Variants in FKRP observed in about 807,000 individuals in gnomAD.
FKRP encodes the protein ribitol 5-phosphate transferase FKRP.
Under a neutral mutation model 30.6 loss-of-function variants are expected in FKRP, and 25 were observed. That is an observed-to-expected ratio of 0.82 (90% CI 0.60 to 1.14). The LOEUF (loss-of-function observed/expected upper bound fraction) is 1.14, where lower values mean the gene tolerates loss of function less well. Among genes scored for constraint, FKRP ranks in the 50% most tolerant of loss-of-function variants. FKRP has a pLI of 0.00. For missense variants in FKRP, 771 were observed against 727.8 expected, an observed-to-expected ratio of 1.06 and a Z score of -0.68; for synonymous variants, 358 against 342.5, an observed-to-expected ratio of 1.05 and a Z score of -0.50.
In FKRP at chr19:46,757,116, G is replaced by A. The variant is rs1270611351; in HGVS notation, c.*178G>A. The A allele has an allele frequency of 7.1e-6, 6 of 847,198 alleles. No individual in the cohort carries two copies. The East Asian group carries it at 1.1e-4, about 15-fold the overall frequency. 52.5% of individuals were successfully genotyped at this position (847,198 alleles called of 1,614,324 possible). A position where few individuals can be genotyped will look rare whatever the true frequency, so the allele number is the denominator to read the frequency against. On this transcript the variant is annotated 3_prime_UTR_variant, in exon 4 of 4. Transcript: ENST00000318584. ...ATTGGCAGGAGGAGAGCACCAGGAC[G>A]AGGATGGGAAGCGACCTCCAGATTT...
chr19:46,756,383 G>C lies in FKRP; in HGVS notation c.933G>C (p.Glu311Asp), dbSNP rs911700598. The C allele has an allele frequency of 1.9e-6, 3 of 1,564,734 alleles. No individual in the cohort carries two copies. The African/African-American group carries it at 4.1e-5, about 21-fold the overall frequency. ...ACACGCCCGCCTACCTCTACGAGGA[G>C]CGCTGGACGCCCCCCTGCTGCCTGC... ...VGDTPAYLYE[E>D]RWTPPCCLRA... The change falls in exon 4 of 4, where the codon GAG (glutamate) becomes GAC (aspartate). Residue 311 changes from glutamate (E) to aspartate (D), a missense_variant. By Grantham distance (45) the Glu-to-Asp change is conservative. Transcript: ENST00000318584. This position sits in a 1 kb window ranked among gnomAD's most constrained non-coding sequence, Gnocchi z 6.6.
At chr19:46,755,338 G>C (rs1357875683) in intron 3 of FKRP, 74 bp from the exon 4 acceptor site, 17 of 964,824 alleles carry the variant, frequency 1.8e-5, no homozygotes, top group South Asian at 8.5e-5. Context: ...GTAGAAAGGG[G>C]CAAGGCTGAG....
At chr19:46,745,328 C>T (rs62134793), upstream of FKRP, among the ~76,000 whole-genome samples, 25,865 of 152,082 alleles carry the variant, frequency 0.17, 2,729 homozygotes, top group Non-Finnish European at 0.24. Flanking sequence ...GGGTACATTC[C>T]CTGCTCTGTC....
chr19:46,756,381 G>C lies in FKRP; in HGVS notation c.931G>C (p.Glu311Gln). ...CGACACGCCCGCCTACCTCTACGAGGAGCGCTGGACGCCCCCCTGCTGCCT... is the reference window on the plus strand; with the variant it reads ...CGACACGCCCGCCTACCTCTACGAGCAGCGCTGGACGCCCCCCTGCTGCCT... ...VGDTPAYLYE[E>Q]RWTPPCCLRA... The change falls in exon 4 of 4, where the codon GAG (glutamate) becomes CAG (glutamine). Residue 311 changes from glutamate (E) to glutamine (Q), a missense_variant. Coordinates refer to ENST00000318584, the MANE Select transcript of FKRP (RefSeq NM_024301.5). The surrounding 1 kb of genome is among the most constrained non-coding windows in gnomAD (Gnocchi z 6.6). The C allele has an allele frequency of 1.3e-6, 2 of 1,564,664 alleles. No homozygotes were observed. Among genetic ancestry groups the C allele is most frequent in the Non-Finnish European group, 1.7e-6 (2 of 1,156,308 alleles).
Position 46,756,100 on chromosome 19 carries a change from C to T in FKRP, c.650C>T (p.Pro217Leu). Residue 217 changes from proline (P) to leucine (L), a missense_variant, in exon 4 of 4, where the codon CCG (proline) becomes CTG (leucine). Transcript: ENST00000318584. This position sits in a 1 kb window ranked among gnomAD's most constrained non-coding sequence, Gnocchi z 6.6. ...AACCTCTCGGCGCCCCTGGCCCGGC[C>T]GGTGGGCACCAGCCTCTTTCTGCAG... ...LFNLSAPLAR[P>L]VGTSLFLQTA... 5 of 1,533,280 alleles carry T rather than the reference C, an allele frequency of 3.3e-6. No individual in the cohort carries two copies. Among genetic ancestry groups the T allele is most frequent in the Non-Finnish European group, 4.3e-6 (5 of 1,149,602 alleles). The allele number at this position is 1,533,280 out of a possible 1,614,324, so 95.0% of individuals were successfully genotyped here.
At chr19:46,745,960 C>G (rs2054584964), upstream of FKRP, 3 of 649,990 alleles carry the variant, frequency 4.6e-6, no homozygotes, top group Non-Finnish European at 6.7e-6. Context: ...CCCGTCCCAC[C>G]CCGGAGTGCC....
chr19:46,746,197 G>C (rs1250317309), intron 1 of FKRP, 107 bp downstream of exon 1: 28 of 1,539,818 alleles, frequency 1.8e-5, no homozygotes, highest in Non-Finnish European at 2.4e-5. Flanking sequence ...CGGCTTCGAA[G>C]CGCGCCCACT....
chr19:46,754,190 C>T (rs1481649861), intron 3 of FKRP: 1 of 151,932 alleles, frequency 6.6e-6, no homozygotes, highest in Non-Finnish European at 1.5e-5. Flanking sequence ...AGGTGAGTAG[C>T]ACCACACCCA....
chr19:46,746,249 T>A (rs748364500), intron 1 of FKRP, 159 bp downstream of exon 1: 2 of 1,494,692 alleles, frequency 1.3e-6, no homozygotes, highest in South Asian at 2.5e-5. Context: ...GCTCAGGGGC[T>A]CCGGGCCCGC....
At chr19:46,747,347 C>G (rs1424643913) in intron 1 of FKRP, 2 of 151,560 alleles carry the variant, frequency 1.3e-5, no homozygotes, top group Admixed American at 6.6e-5. Flanking sequence ...GAGCAGCCCC[C>G]TTCGAGTGAC....
rs373244438 is a variant in FKRP at position 46,756,932 on chromosome 19, C to T, written c.1482C>T (p.Ser494=). The part of the protein sequence containing the change: ...PNPALLSLTG[S]G The stretch of plus-strand genomic sequence containing the variant: ...CGGCACTGCTGAGTCTGACGGGAAG[C>T]GGCTGAAGCCCTGATAACCTCGCCT... Residue 494 remains serine, a synonymous_variant, in exon 4 of 4, where the codon AGC becomes AGT. Coordinates refer to ENST00000318584, the MANE Select transcript of FKRP (RefSeq NM_024301.5). The surrounding 1 kb of genome is among the most constrained non-coding windows in gnomAD (Gnocchi z 6.6). 3.1e-6 allele frequency: 5 copies of T among 1,612,834 alleles called. No homozygotes were observed. The highest frequency in any genetic ancestry group is 1.7e-4 in the Middle Eastern group (1 of 6,052).
Position 46,756,953 on chromosome 19 carries a change from C to T in FKRP, c.*15C>T. 1 of 1,612,374 alleles carries T rather than the reference C, an allele frequency of 6.2e-7. No individual in the cohort carries two copies. The highest frequency in any genetic ancestry group is 1.1e-5 in the South Asian group (1 of 90,852). ...GAAGCGGCTGAAGCCCTGATAACCT[C>T]GCCTTTGTTTTTCGGGGGTCTGTCT... On this transcript the variant is annotated 3_prime_UTR_variant, in exon 4 of 4. Coordinates refer to ENST00000318584, the MANE Select transcript of FKRP (RefSeq NM_024301.5). The surrounding 1 kb of genome is among the most constrained non-coding windows in gnomAD (Gnocchi z 6.6).
chr19:46,746,274 T>TGCC (rs755818262), intron 1 of FKRP, 184 bp downstream of exon 1: 1 of 1,453,314 alleles, frequency 6.9e-7, no homozygotes, highest in South Asian at 1.3e-5. Context: ...GGCCCGGGGC[T>TGCC]GCCTCCGCCG....
chr19:46,754,939 C>A (rs1644333), intron 3 of FKRP, among the ~76,000 whole-genome samples: 1 of 151,842 alleles, frequency 6.6e-6, no homozygotes, highest in South Asian at 2.1e-4. Flanking sequence ...TTTTCAGCAC[C>A]CCACTTAAAA....
At chr19:46,749,640 C>T (rs1025179385) in intron 3 of FKRP, among the ~76,000 whole-genome samples, 9 of 150,928 alleles carry the variant, frequency 6.0e-5, no homozygotes, top group African/African-American at 1.9e-4. Context: ...CAGGGGAATC[C>T]CTTGAACCAG....
At chr19:46,746,056 C>T (rs1358219347), upstream of FKRP, 3 of 1,055,232 alleles carry the variant, frequency 2.8e-6, no homozygotes, top group Non-Finnish European at 3.6e-6. Context: ...GTCCCGGCGG[C>T]CATTGCTCCA....
intron 1 of FKRP, 35 bp downstream of exon 1, chr19:46,746,125 C>T (rs776859717): frequency 4.9e-6 from 7 of 1,426,310 alleles, no homozygotes; most frequent in Middle Eastern, 1.9e-4. Context: ...GGTTGGGGGT[C>T]GGGGGTCCCG....
In FKRP at chr19:46,756,365, C is replaced by A. The variant is rs1372543621; in HGVS notation, c.915C>A (p.Pro305=). The A allele has an allele frequency of 3.2e-6, 5 of 1,560,634 alleles. No individual in the cohort carries two copies. The highest frequency in any genetic ancestry group is 4.3e-6 in the Non-Finnish European group (5 of 1,154,966). ...RCFGTVVGDT[P]AYLYEERWTP... Reference sequence around the variant, plus strand: ...TCGGAACCGTGGTGGGCGACACGCCCGCCTACCTCTACGAGGAGCGCTGGA... The same window carrying A: ...TCGGAACCGTGGTGGGCGACACGCCAGCCTACCTCTACGAGGAGCGCTGGA... The change falls in exon 4 of 4, where the codon CCC becomes CCA. Residue 305 remains proline, a synonymous_variant. Transcript: ENST00000318584. The surrounding 1 kb of genome is among the most constrained non-coding windows in gnomAD (Gnocchi z 6.6).
intron 3 of FKRP, among the ~76,000 whole-genome samples, chr19:46,752,224 G>C (rs1167969900): frequency 6.6e-6 from 1 of 152,196 alleles, no homozygotes; most frequent in Non-Finnish European, 1.5e-5. Context: ...AGGATCTCTC[G>C]AGGTGCTGAA....
Sources: allele counts gnomAD v4.1 joint callset (sites outside exome capture counted in the v4.1 genomes callset), GRCh38; gene constraint gnomAD v4.1.1; non-coding constraint Gnocchi (gnomAD v3.1); transcripts MANE v1.5; gene names NCBI Gene and HGNC (gene_info 2026-07-23, HGNC 2026-07-21).